Variants in NAV3 observed in about 807,000 individuals in gnomAD.
NAV3 encodes the protein neuron navigator 3.
A neutral mutation model predicts 244.7 loss-of-function variants in NAV3; 87 were observed. That is an observed-to-expected ratio of 0.36 (90% CI 0.30 to 0.42). The LOEUF (loss-of-function observed/expected upper bound fraction) is 0.42. Among genes scored for constraint, NAV3 ranks in the 20% least tolerant of loss-of-function variants. The pLI is 1.00. For missense variants in NAV3, 2,663 were observed against 2,893.3 expected, an observed-to-expected ratio of 0.92 and a Z score of 1.83; for synonymous variants, 1,126 against 1,042.2, an observed-to-expected ratio of 1.08 and a Z score of -1.55.
At chr12:77,991,259 C>T (rs745642719) in intron 5 of NAV3, among the ~76,000 whole-genome samples, 18 of 152,136 alleles carry the variant, frequency 1.2e-4, no homozygotes, top group Non-Finnish European at 2.2e-4. Flanking sequence ...ATCCTGACCA[C>T]GTGATCTACC....
intron 2 of NAV3, among the ~76,000 whole-genome samples, chr12:77,599,886 C>T (rs1229506750): frequency 6.6e-6 from 1 of 151,866 alleles, no homozygotes; most frequent in Non-Finnish European, 1.5e-5. Flanking sequence ...AAATATTGTA[C>T]AGGAAGGCCT....
chr12:77,624,320 C>A (rs896176533), intron 2 of NAV3, among the ~76,000 whole-genome samples: 8 of 151,994 alleles, frequency 5.3e-5, no homozygotes, highest in Admixed American at 1.3e-4. Context: ...AGAGAACTAG[C>A]GGAAAGTTGC....
chr12:77,950,102 T>G (rs1437872995), intron 3 of NAV3, among the ~76,000 whole-genome samples: 1 of 152,146 alleles, frequency 6.6e-6, no homozygotes, highest in African/African-American at 2.4e-5. Context: ...TTGGCAGTTA[T>G]GAAGAAAACT....
intron 1 of NAV3, among the ~76,000 whole-genome samples, chr12:77,930,886 A>C (rs1462364119): frequency 6.6e-6 from 1 of 152,180 alleles, no homozygotes; most frequent in African/African-American, 2.4e-5. Flanking sequence ...TTCTAGTTGC[A>C]ATGTCACTGT....
chr12:77,616,882 T>A (rs1871163075), intron 2 of NAV3, among the ~76,000 whole-genome samples: 1 of 152,212 alleles, frequency 6.6e-6, no homozygotes, highest in Admixed American at 6.5e-5. Context: ...TTATATTTTA[T>A]AATCCTAAGA....
intron 2 of NAV3, among the ~76,000 whole-genome samples, chr12:77,592,558 A>C (rs908598121): frequency 2.6e-5 from 4 of 152,130 alleles, no homozygotes; most frequent in Non-Finnish European, 4.4e-5. Context: ...AATATTGTAA[A>C]GCCTCAAGGG....
In NAV3 at chr12:78,160,398, TGC is replaced by T. The variant is rs1555184783; in HGVS notation, c.4869+1114_4869+1115del. On this transcript the variant is annotated intron_variant, in intron 23 of 39. Coordinates refer to ENST00000397909, the MANE Select transcript of NAV3 (RefSeq NM_001024383.2). ...TATGGAGTGTGTGTGTGTGTGTGTG[TGC>T]GTGCGTGTGTGTGTGTGTGTGTGTA... Among the ~76,000 whole-genome samples the T allele has an allele frequency of 1.6e-3, 133 of 84,136 alleles. 1 individual carries two copies. Among genetic ancestry groups the T allele is most frequent in the South Asian group, 5.5e-3 (9 of 1,642 alleles). The allele number at this position is 84,136 out of a possible 152,430, so 55.2% of individuals were successfully genotyped here. A position where few individuals can be genotyped will look rare whatever the true frequency, so the allele number is the denominator to read the frequency against.
Position 78,074,333 on chromosome 12 carries a change from T to C in NAV3, c.2636+15218T>C, listed in dbSNP as rs1461604998. On this transcript the variant is annotated intron_variant, in intron 12 of 39. Coordinates refer to ENST00000397909, the MANE Select transcript of NAV3 (RefSeq NM_001024383.2). ...CATACAACTAGGACATAGAGGAGGG[T>C]CACTGAACCTGTGAAGTTTTGAGGA... Among the ~76,000 whole-genome samples the C allele has an allele frequency of 2.6e-5, 4 of 151,978 alleles. No homozygotes were observed. The East Asian group carries it at 7.7e-4, about 29-fold the overall frequency.
At chr12:77,803,715 A>G (rs1022942520) in intron 2 of NAV3, among the ~76,000 whole-genome samples, 1 of 152,154 alleles carries the variant, frequency 6.6e-6, no homozygotes, top group African/African-American at 2.4e-5. Flanking sequence ...AGTCTTCCAC[A>G]GTGGTTGAAC....
chr12:78,104,996 GTT>G (rs1387622443), intron 12 of NAV3, among the ~76,000 whole-genome samples: 2 of 152,096 alleles, frequency 1.3e-5, no homozygotes, highest in Non-Finnish European at 1.5e-5. Context: ...AATGCTGAGT[GTT>G]TGTTTAGGAT....
intron 12 of NAV3, among the ~76,000 whole-genome samples, chr12:78,082,851 T>TGAAACATGCCCTTCCCAGG (rs1953428993): frequency 6.6e-6 from 1 of 152,182 alleles, no homozygotes; most frequent in Non-Finnish European, 1.5e-5. Flanking sequence ...CCCTTTGTTC[T>TGAAACATGCCCTTCCCAGG]TTTCACTGAA....
At chr12:77,803,235 A>G (rs1458087300) in intron 2 of NAV3, among the ~76,000 whole-genome samples, 1 of 151,910 alleles carries the variant, frequency 6.6e-6, no homozygotes, top group Non-Finnish European at 1.5e-5. Flanking sequence ...CCATCAACCC[A>G]TCATTTACAT....
At chr12:78,086,073 T>G (rs78363750) in intron 12 of NAV3, among the ~76,000 whole-genome samples, 1 of 152,106 alleles carries the variant, frequency 6.6e-6, no homozygotes, top group Non-Finnish European at 1.5e-5. Context: ...TTCTCCAAGC[T>G]TGTATCCTTT....
intron 2 of NAV3, among the ~76,000 whole-genome samples, chr12:77,690,503 CTT>C (rs1451403763): frequency 6.6e-6 from 1 of 151,498 alleles, no homozygotes; most frequent in African/African-American, 2.4e-5. Flanking sequence ...ATTTCTAACA[CTT>C]AATATTTTTA....
rs138494455 is a variant in NAV3, at chr12:78,197,694, T to A, written c.6446+293T>A. The stretch of plus-strand genomic sequence containing the variant: ...AACCCTCTTTAATATTATACCACAG[T>A]TTTAAAGACTCCATATGCATTCCTT... On this transcript the variant is annotated intron_variant, in intron 35 of 39. Transcript: ENST00000397909. 2.0e-3 allele frequency among the ~76,000 whole-genome samples: 305 copies of A among 151,944 alleles called. 1 individual carries two copies. The highest frequency in any genetic ancestry group is 7.2e-3 in the African/African-American group (299 of 41,546).
chr12:78,129,009 A>G (rs1267570966), intron 18 of NAV3, 143 bp downstream of exon 18: 5 of 721,162 alleles, frequency 6.9e-6, no homozygotes, highest in Non-Finnish European at 1.1e-5. Flanking sequence ...CATTTGTGTC[A>G]TTGTTTACTC....
At chr12:77,845,318 C>A (rs1261151914) in intron 1 of NAV3, among the ~76,000 whole-genome samples, 1 of 152,168 alleles carries the variant, frequency 6.6e-6, no homozygotes, top group Non-Finnish European at 1.5e-5. Flanking sequence ...TGCAGTCTGG[C>A]ACTGCCTTTA....
At chr12:78,108,608 C>G (rs562648154) in intron 12 of NAV3, among the ~76,000 whole-genome samples, 1 of 152,234 alleles carries the variant, frequency 6.6e-6, no homozygotes, top group African/African-American at 2.4e-5. Context: ...TATCACATAT[C>G]TTCTCAGACC....
chr12:77,658,693 A>G lies in NAV3; in HGVS notation c.72+86427A>G, dbSNP rs1473410444. Among the ~76,000 whole-genome samples the G allele has an allele frequency of 8.6e-4, 131 of 152,210 alleles. 2 individuals are homozygous for G. Among genetic ancestry groups the G allele is most frequent in the African/African-American group, 3.1e-3 (127 of 41,530 alleles). On this transcript the variant is annotated intron_variant, in intron 2 of 8. Coordinates refer to the NAV3 transcript ENST00000550042. The stretch of plus-strand genomic sequence containing the variant: ...AGAACAAAGCTGGAGGCATCACGCT[A>G]CCTGACTTCAAACTATACTACAAGG...
Sources: gnomAD v4.1 joint callset for allele counts (sites outside exome capture counted in the v4.1 genomes callset) on GRCh38, gnomAD v4.1.1 for gene constraint, MANE v1.5 for transcripts, NCBI Gene and HGNC (gene_info 2026-07-23, HGNC 2026-07-21) for gene names.